Variants in MACROD2 observed in about 807,000 individuals in gnomAD.
The protein encoded by MACROD2 is mono-ADP ribosylhydrolase 2.
Under a neutral mutation model 70.4 loss-of-function variants are expected in MACROD2, and 36 were observed. The observed-to-expected ratio is 0.51, with a 90% CI of 0.39 to 0.68. The LOEUF is 0.68. Among genes scored for constraint, MACROD2 ranks in the 30% least tolerant of loss-of-function variants. MACROD2 has a pLI of 0.00. For missense variants in MACROD2, 496 were observed against 538.4 expected, an observed-to-expected ratio of 0.92 and a Z score of 0.78; for synonymous variants, 172 against 178.8, an observed-to-expected ratio of 0.96 and a Z score of 0.30.
At chr20:14,264,112 G>C (rs1237530998) in intron 3 of MACROD2, among the ~76,000 whole-genome samples, 2 of 151,896 alleles carry the variant, frequency 1.3e-5, no homozygotes, top group Non-Finnish European at 2.9e-5. Flanking sequence ...GAACCGAGCA[G>C]GCATATATAA....
intron 3 of MACROD2, among the ~76,000 whole-genome samples, chr20:14,363,744 G>A (rs913127308): frequency 2.1e-4 from 31 of 149,960 alleles, no homozygotes; most frequent in Admixed American, 1.3e-4. Flanking sequence ...GTGAACCCGG[G>A]AGGCGGAGCT....
Position 15,073,063 on chromosome 20 carries a change from C to G in MACROD2, c.419-156877C>G, listed in dbSNP as rs574704522. 3.9e-4 allele frequency among the ~76,000 whole-genome samples: 60 copies of G among 152,072 alleles called. 1 individual carries two copies. Among genetic ancestry groups the G allele is most frequent in the Non-Finnish European group, 4.0e-4 (27 of 68,008 alleles). On this transcript the variant is annotated intron_variant, in intron 5 of 17. Transcript: ENST00000684519. The stretch of plus-strand genomic sequence containing the variant: ...GATGATAATATCAAGAAGGCCTCTA[C>G]CAGAAGCTAGCACCTTGATATTGGA...
At chr20:15,141,579 C>A (rs1304234515) in intron 5 of MACROD2, among the ~76,000 whole-genome samples, 1 of 152,146 alleles carries the variant, frequency 6.6e-6, no homozygotes, top group Non-Finnish European at 1.5e-5. Flanking sequence ...AGAAAGTACA[C>A]CTGCTCTTCA....
intron 2 of MACROD2, among the ~76,000 whole-genome samples, chr20:14,010,630 A>C (rs1195295896): frequency 6.6e-6 from 1 of 151,670 alleles, no homozygotes; most frequent in Non-Finnish European, 1.5e-5. Flanking sequence ...GTCTAATGTC[A>C]GTTTGTTTTC....
chr20:15,813,353 CAT>C (rs1401266000), intron 8 of MACROD2, among the ~76,000 whole-genome samples: 8 of 152,212 alleles, frequency 5.3e-5, no homozygotes, highest in African/African-American at 1.9e-4. Context: ...CCTGTAGAGA[CAT>C]GTTAAGTCTA....
chr20:14,063,610 G>A (rs6042501), intron 2 of MACROD2, among the ~76,000 whole-genome samples: 120,050 of 152,142 alleles, frequency 0.79, 47,833 homozygotes, highest in South Asian at 0.84. Flanking sequence ...TATTAAAAAT[G>A]CTGTATAAGA....
chr20:15,015,147 A>C (rs2075111687), intron 5 of MACROD2, among the ~76,000 whole-genome samples: 1 of 152,090 alleles, frequency 6.6e-6, no homozygotes, highest in Non-Finnish European at 1.5e-5. Flanking sequence ...ATGTTTAATA[A>C]TTCAAACTTC....
chr20:14,785,187 C>A (rs373341750), intron 5 of MACROD2, among the ~76,000 whole-genome samples: 7 of 150,726 alleles, frequency 4.6e-5, no homozygotes, highest in East Asian at 1.9e-4. Context: ...ACACACACAC[C>A]CACACACACA....
chr20:14,216,115 T>C (rs2081620653), intron 3 of MACROD2, among the ~76,000 whole-genome samples: 1 of 152,116 alleles, frequency 6.6e-6, no homozygotes, highest in Admixed American at 6.6e-5. Context: ...CCAGTGTTCT[T>C]TTCTAGAATG....
rs13036456 is a variant in MACROD2 at position 15,710,213 on chromosome 20, A to G, written c.646-152532A>G. On this transcript the variant is annotated intron_variant, in intron 8 of 17. Transcript: ENST00000684519. Reference sequence around the variant, plus strand: ...AAAAGACAAAAAAAAAAAAAAAAAAACAATTGCGGGTAAGGATGCAAAAAA... The same window carrying G: ...AAAAGACAAAAAAAAAAAAAAAAAAGCAATTGCGGGTAAGGATGCAAAAAA... Among the ~76,000 whole-genome samples the G allele has an allele frequency of 1.5e-4, 20 of 136,822 alleles. No individual in the cohort carries two copies. The Admixed American group carries it at 1.5e-3, about 10-fold the overall frequency. 89.8% of individuals were successfully genotyped at this position (136,822 alleles called of 152,430 possible).
chr20:15,024,249 A>G (rs2075212476), intron 5 of MACROD2, among the ~76,000 whole-genome samples: 1 of 152,154 alleles, frequency 6.6e-6, no homozygotes, highest in Non-Finnish European at 1.5e-5. Flanking sequence ...ACTATTCATT[A>G]CTTAATCCTT....
chr20:14,389,421 C>CAAAAAAAAA (rs4052956), intron 3 of MACROD2, among the ~76,000 whole-genome samples: 2 of 90,030 alleles, frequency 2.2e-5, no homozygotes, highest in African/African-American at 8.8e-5. Flanking sequence ...GACTTGGTCT[C>CAAAAAAAAA]AAAAAAAAAA....
intron 6 of MACROD2, among the ~76,000 whole-genome samples, chr20:15,416,017 C>T (rs559486566): frequency 1.3e-5 from 2 of 152,256 alleles, no homozygotes; most frequent in South Asian, 2.1e-4. Flanking sequence ...GCTGCTTGCT[C>T]CCCTCCTTGT....
chr20:14,624,065 T>C (rs1008118501), intron 4 of MACROD2, among the ~76,000 whole-genome samples: 1 of 152,208 alleles, frequency 6.6e-6, no homozygotes, highest in Non-Finnish European at 1.5e-5. Flanking sequence ...CACATGGATC[T>C]GTTATTTGAT....
intron 3 of MACROD2, among the ~76,000 whole-genome samples, chr20:14,205,390 C>T (rs1023477163): frequency 6.6e-5 from 10 of 152,254 alleles, no homozygotes; most frequent in East Asian, 1.9e-4. Flanking sequence ...ACCCCTCAGC[C>T]GAAAGAGGAG....
intron 15 of MACROD2, among the ~76,000 whole-genome samples, chr20:16,024,516 CACACACACACACAG>C (rs2067050375): frequency 7.0e-6 from 1 of 142,884 alleles, no homozygotes; most frequent in South Asian, 2.4e-4. Flanking sequence ...CACACACAGA[CACACACACACACAG>C]ACACACACAC....
chr20:14,945,289 G>A (rs1275432703), intron 5 of MACROD2, among the ~76,000 whole-genome samples: 1 of 151,820 alleles, frequency 6.6e-6, no homozygotes, highest in Non-Finnish European at 1.5e-5. Context: ...TATTTGCCAG[G>A]CTGGTCCTGA....
chr20:14,565,356 A>AC (rs1045346854), intron 4 of MACROD2, among the ~76,000 whole-genome samples: 5 of 151,576 alleles, frequency 3.3e-5, no homozygotes, highest in Non-Finnish European at 4.4e-5. Flanking sequence ...TGTAAAAAAA[A>AC]AAATTTTTTT....
At chr20:15,561,597 G>C (rs183729687) in intron 8 of MACROD2, among the ~76,000 whole-genome samples, 2 of 151,986 alleles carry the variant, frequency 1.3e-5, no homozygotes, top group Non-Finnish European at 2.9e-5. Context: ...TTTATCCTTC[G>C]TGAAAATCAA....
Sources: gnomAD v4.1 joint callset for allele counts (sites outside exome capture counted in the v4.1 genomes callset) on GRCh38, gnomAD v4.1.1 for gene constraint, MANE v1.5 for transcripts, NCBI Gene and HGNC (gene_info 2026-07-23, HGNC 2026-07-21) for gene names.